The following RIMS1 variants were observed in gnomAD, a reference collection of about 807,000 sequenced individuals.
RIMS1 encodes regulating synaptic membrane exocytosis protein 1.
In RIMS1, 83 loss-of-function variants were observed where a neutral mutation model predicts 214.1. The observed-to-expected ratio is 0.39, with a 90% confidence interval of 0.32 to 0.47. The LOEUF (loss-of-function observed/expected upper bound fraction) is 0.47, where lower values mean the gene tolerates loss of function less well. Ranked by LOEUF, RIMS1 falls within the 20% of genes least tolerant of loss-of-function variation. RIMS1 has a pLI of 0.99. For missense variants in RIMS1, 2,050 were observed against 2,161.8 expected (o/e 0.95, Z 1.03); for synonymous variants, 793 against 786.8 (o/e 1.01, Z -0.13).
chr6:72,354,598 A>C (rs1185869095), intron 29 of RIMS1, among the ~76,000 whole-genome samples: 6 of 152,242 alleles, frequency 3.9e-5, no homozygotes, highest in Middle Eastern at 3.2e-3. Flanking sequence ...GCCCAGTGTT[A>C]CTTTTTAAGT....
chr6:72,402,513 A>G lies in RIMS1; in HGVS notation c.*1799A>G, dbSNP rs1422770013. ...GTACACACTAGGTTTTAATTCATAG[A>G]CATACTGCCTGCACCAAGTGAATTA... On this transcript the variant is annotated 3_prime_UTR_variant, in exon 34 of 34. Coordinates refer to ENST00000521978, the MANE Select transcript of RIMS1 (RefSeq NM_014989.7). 6.6e-6 allele frequency: 1 copy of G among 152,638 alleles called. No individual in the cohort carries two copies. Among genetic ancestry groups the G allele is most frequent in the Admixed American group, 6.5e-5 (1 of 15,276 alleles). The allele number at this position is 152,638 out of a possible 1,614,324, so 9.5% of individuals were successfully genotyped here. A position where few individuals can be genotyped will look rare whatever the true frequency, so the allele number is the denominator to read the frequency against.
At chr6:72,205,687 T>A (rs2052778003) in intron 6 of RIMS1, among the ~76,000 whole-genome samples, 1 of 152,174 alleles carries the variant, frequency 6.6e-6, no homozygotes, top group South Asian at 2.1e-4. Context: ...ATTTATAAAT[T>A]TAGTTTATAA....
intron 4 of RIMS1, among the ~76,000 whole-genome samples, chr6:72,171,642 G>T (rs1008582394): frequency 2.4e-4 from 36 of 152,130 alleles, no homozygotes; most frequent in African/African-American, 8.4e-4. Flanking sequence ...GTCTTTGGGA[G>T]GCTTTGCAAG....
At chr6:72,320,859 G>GAT (rs1491445702) in intron 28 of RIMS1, among the ~76,000 whole-genome samples, 1 of 151,600 alleles carries the variant, frequency 6.6e-6, no homozygotes, top group Non-Finnish European at 1.5e-5. Context: ...TACTACTCTT[G>GAT]ATATATGTTC....
At chr6:72,384,241 C>T (rs1039204896) in intron 29 of RIMS1, among the ~76,000 whole-genome samples, 1 of 152,112 alleles carries the variant, frequency 6.6e-6, no homozygotes, top group Non-Finnish European at 1.5e-5. Flanking sequence ...AAAGGACAAC[C>T]TCCCCTAATA....
intron 13 of RIMS1, 134 bp from the exon 14 acceptor site, chr6:72,250,787 C>CG: frequency 1.7e-6 from 1 of 589,004 alleles, no homozygotes; most frequent in Non-Finnish European, 2.9e-6. Flanking sequence ...TTATTAAACT[C>CG]TATTATCTTT....
intron 1 of RIMS1, among the ~76,000 whole-genome samples, chr6:71,966,500 G>A (rs1388984953): frequency 1.3e-5 from 2 of 152,000 alleles, no homozygotes; most frequent in Non-Finnish European, 2.9e-5. Flanking sequence ...TACAAAGATA[G>A]GGCCCTTTTT....
At chr6:72,068,154 A>AT (rs141770403) in intron 2 of RIMS1, among the ~76,000 whole-genome samples, 18,013 of 152,176 alleles carry the variant, frequency 0.12, 1,307 homozygotes, top group South Asian at 0.18. Flanking sequence ...CAGGGGACCA[A>AT]TTTTTTTGGT....
chr6:71,991,988 G>A (rs1276073207), intron 2 of RIMS1, among the ~76,000 whole-genome samples: 4 of 151,982 alleles, frequency 2.6e-5, no homozygotes, highest in African/African-American at 7.2e-5. Flanking sequence ...TCACTTTAAC[G>A]GGGAGGCAAA....
chr6:72,092,282 T>TTCCTCCCC (rs1562292349), intron 2 of RIMS1, among the ~76,000 whole-genome samples: 1 of 90,274 alleles, frequency 1.1e-5, no homozygotes, highest in Admixed American at 1.2e-4. Context: ...CCTCCCTCCC[T>TTCCTCCCC]CCCTCCCTCC....
In RIMS1 at chr6:72,091,316, T is replaced by C. The variant is rs529365056; in HGVS notation, c.246-5633T>C. On this transcript the variant is annotated intron_variant, in intron 2 of 33. Transcript: ENST00000521978. The stretch of plus-strand genomic sequence containing the variant: ...CATAAAGGAAATCCAGGAAGAAAGG[T>C]AGAATTTTCTCCTAGATTCTCATTA... 5.3e-5 allele frequency among the ~76,000 whole-genome samples: 8 copies of C among 152,288 alleles called. No individual in the cohort carries two copies. In the South Asian group the frequency reaches 1.7e-3, roughly 32 times the overall value.
intron 2 of RIMS1, among the ~76,000 whole-genome samples, chr6:72,088,187 A>G (rs552859924): frequency 5.3e-5 from 8 of 151,080 alleles, no homozygotes; most frequent in African/African-American, 1.9e-4. Flanking sequence ...CCCAAACTTC[A>G]CTTGCATTAA....
intron 6 of RIMS1, among the ~76,000 whole-genome samples, chr6:72,227,621 C>T (rs17783089): frequency 0.034 from 5,217 of 151,928 alleles, 133 homozygotes; most frequent in Middle Eastern, 0.058. Context: ...ATAAAGTTTC[C>T]CTTTCCTGGA....
At chr6:72,143,352 A>G (rs1224558770) in intron 4 of RIMS1, among the ~76,000 whole-genome samples, 1 of 152,204 alleles carries the variant, frequency 6.6e-6, no homozygotes, top group Non-Finnish European at 1.5e-5. Flanking sequence ...TTTAAGTGCC[A>G]TGGTTTTGGA....
chr6:72,052,771 T>C (rs1825071088), intron 2 of RIMS1, among the ~76,000 whole-genome samples: 1 of 152,208 alleles, frequency 6.6e-6, no homozygotes, highest in Non-Finnish European at 1.5e-5. Flanking sequence ...TCCTTGTTGA[T>C]TTAGTTGTTG....
intron 2 of RIMS1, among the ~76,000 whole-genome samples, chr6:72,053,747 G>A (rs1324884676): frequency 6.6e-6 from 1 of 151,934 alleles, no homozygotes. Flanking sequence ...ATAAATTCAG[G>A]TTTACAAAAC....
At chr6:71,992,404 C>CTCTTTCTTTCTTTCTTTCTTTCTTTCTT (rs70994109) in intron 2 of RIMS1, among the ~76,000 whole-genome samples, 9 of 110,164 alleles carry the variant, frequency 8.2e-5, no homozygotes, top group East Asian at 4.3e-4. Flanking sequence ...TTCTCTCTCT[C>CTCTTTCTTTCTTTCTTTCTTTCTTTCTT]TCTTTCTTTC....
chr6:72,124,019 T>C (rs1417275627), intron 4 of RIMS1, among the ~76,000 whole-genome samples: 2 of 151,850 alleles, frequency 1.3e-5, no homozygotes, highest in African/African-American at 4.8e-5. Flanking sequence ...GTCATTATGA[T>C]GTTAGCTGGT....
chr6:72,315,812 C>A (rs536070469), intron 28 of RIMS1, among the ~76,000 whole-genome samples: 2 of 152,234 alleles, frequency 1.3e-5, no homozygotes, highest in African/African-American at 4.8e-5. Context: ...ATGACATCAG[C>A]ATAAAAGCAT....
Sources: allele counts gnomAD v4.1 joint callset (sites outside exome capture counted in the v4.1 genomes callset), GRCh38; gene constraint gnomAD v4.1.1; transcripts MANE v1.5; gene names NCBI Gene and HGNC (gene_info 2026-07-23, HGNC 2026-07-21).